Variants in ANKRD30B observed in about 807,000 individuals in gnomAD.
ANKRD30B encodes the protein ankyrin repeat domain-containing protein 30B.
Under a neutral mutation model 202.2 loss-of-function variants are expected in ANKRD30B, and 144 were observed. The observed-to-expected ratio is 0.71, with a 90% CI of 0.62 to 0.82. The LOEUF is 0.82. Ranked by LOEUF, ANKRD30B falls within the 40% of genes least tolerant of loss-of-function variation. The pLI is 0.00. For missense variants in ANKRD30B, 1,487 were observed against 1,669.1 expected, an observed-to-expected ratio of 0.89 and a Z score of 1.90; for synonymous variants, 508 against 561.3, an observed-to-expected ratio of 0.91 and a Z score of 1.34.
the ANKRD30B span, among the ~76,000 whole-genome samples, chr18:14,860,349 G>A: frequency 1.9e-5 from 2 of 103,894 alleles, no homozygotes; most frequent in South Asian, 3.6e-4. Flanking sequence ...TCCCAGACAG[G>A]GCTGCCGGGC....
intron 39 of ANKRD30B, 86 bp from the exon 40 acceptor site, chr18:14,848,630 G>C (rs918031381): frequency 8.0e-5 from 88 of 1,093,548 alleles, no homozygotes; most frequent in Non-Finnish European, 9.9e-5. Context: ...TTTGTTGAGT[G>C]TATGAGTTAG....
chr18:14,858,799 A>C (rs1972139440), downstream of ANKRD30B, among the ~76,000 whole-genome samples: 2 of 92,980 alleles, frequency 2.2e-5, no homozygotes, highest in South Asian at 4.0e-4. Context: ...CTCCCAGACA[A>C]TGGGCAGCCA....
intron 9 of ANKRD30B, among the ~76,000 whole-genome samples, chr18:14,772,846 G>A (rs924437204): frequency 6.6e-6 from 1 of 151,872 alleles, no homozygotes; most frequent in Non-Finnish European, 1.5e-5. Flanking sequence ...TTTGGGCATG[G>A]TGGTGCATGC....
At chr18:14,922,039 T>A in the ANKRD30B span, among the ~76,000 whole-genome samples, 15 of 152,176 alleles carry the variant, frequency 9.9e-5, no homozygotes, top group African/African-American at 3.6e-4. Flanking sequence ...CCTTTTAACT[T>A]CATATGACTG....
intron 39 of ANKRD30B, among the ~76,000 whole-genome samples, chr18:14,846,004 C>G (rs1468619082): frequency 6.6e-6 from 1 of 151,982 alleles, no homozygotes; most frequent in Non-Finnish European, 1.5e-5. Flanking sequence ...ATTGCAAGGA[C>G]AAAGACATTC....
the ANKRD30B span, among the ~76,000 whole-genome samples, chr18:14,879,271 C>T: frequency 1.3e-5 from 2 of 152,068 alleles, no homozygotes; most frequent in African/African-American, 4.8e-5. Flanking sequence ...GAATCCTGCC[C>T]ACCGAGGTTC....
At chr18:14,860,397 A>G in the ANKRD30B span, among the ~76,000 whole-genome samples, 1 of 125,202 alleles carries the variant, frequency 8.0e-6, no homozygotes, top group Non-Finnish European at 1.7e-5. Flanking sequence ...GTGGCCGGGC[A>G]GAGGCGCTCC....
chr18:14,851,998 C>T lies in ANKRD30B; in HGVS notation c.4054C>T (p.Leu1352Phe), dbSNP rs1971903751. The change falls in exon 42 of 44, where the codon CTT becomes TTT. Residue 1352 changes from leucine to phenylalanine, a missense_variant. By Grantham distance (22) the Leu-to-Phe change is conservative (BLOSUM62 0). Coordinates refer to ENST00000690538, the MANE Select transcript of ANKRD30B (RefSeq NM_001367607.2). ...TAACAATGAGGTGCTCCATCAACCACTTTATGAAGCTCAAAGGAAATCCAA... is the reference window on the plus strand; with the variant it reads ...TAACAATGAGGTGCTCCATCAACCATTTTATGAAGCTCAAAGGAAATCCAA... ...IYNNEVLHQP[L>F]YEAQRKSKSP... 6.3e-7 allele frequency: 1 copy of T among 1,596,096 alleles called. No homozygotes were observed. Among genetic ancestry groups the T allele is most frequent in the Admixed American group, 1.7e-5 (1 of 57,722 alleles).
At chr18:14,794,453 T>G (rs1050172139) in intron 16 of ANKRD30B, among the ~76,000 whole-genome samples, 1 of 151,842 alleles carries the variant, frequency 6.6e-6, no homozygotes, top group Non-Finnish European at 1.5e-5. Flanking sequence ...CATACTCATT[T>G]CCTATCTCAT....
intron 33 of ANKRD30B, 133 bp from the exon 34 acceptor site, chr18:14,831,250 T>C (rs1970925215): frequency 3.9e-6 from 2 of 506,540 alleles, no homozygotes; most frequent in Admixed American, 4.1e-5. Context: ...TGATTTAATA[T>C]ATTGAGGACT....
At chr18:14,922,127 G>T in the ANKRD30B span, among the ~76,000 whole-genome samples, 3 of 152,164 alleles carry the variant, frequency 2.0e-5, 1 homozygote, top group Admixed American at 2.0e-4. Flanking sequence ...GGCAGGAGGA[G>T]AATTTGTTTG....
chr18:14,797,559 A>G (rs1387538199), intron 18 of ANKRD30B, 102 bp from the exon 19 acceptor site: 1 of 1,337,426 alleles, frequency 7.5e-7, no homozygotes, highest in Non-Finnish European at 1.1e-6. Flanking sequence ...TCCCTTTCCA[A>G]TCCAAGCATG....
intron 3 of ANKRD30B, among the ~76,000 whole-genome samples, chr18:14,754,689 A>C (rs1463305323): frequency 2.0e-5 from 3 of 152,198 alleles, no homozygotes; most frequent in Admixed American, 2.0e-4. Flanking sequence ...GATAACCAGA[A>C]TTAATGTGGT....
chr18:14,934,990 C>T, the ANKRD30B span, among the ~76,000 whole-genome samples: 8 of 152,030 alleles, frequency 5.3e-5, no homozygotes, highest in South Asian at 8.3e-4. Flanking sequence ...CTGCACCCTC[C>T]CAGGCCCCCT....
At chr18:14,854,832 A>AACACACACACACAC (rs56259305), downstream of ANKRD30B, among the ~76,000 whole-genome samples, 1 of 134,104 alleles carries the variant, frequency 7.5e-6, no homozygotes, top group Admixed American at 7.5e-5. Context: ...ACTATCCACG[A>AACACACACACACAC]ACACACACAC....
the ANKRD30B span, among the ~76,000 whole-genome samples, chr18:14,874,816 A>G: frequency 2.0e-5 from 3 of 152,206 alleles, no homozygotes; most frequent in Admixed American, 6.5e-5. Context: ...AGAAGATAGT[A>G]TAGTTTGATT....
At chr18:14,766,523 T>G (rs1441856767) in intron 7 of ANKRD30B, among the ~76,000 whole-genome samples, 1 of 80,212 alleles carries the variant, frequency 1.2e-5, no homozygotes, top group Non-Finnish European at 3.0e-5. Flanking sequence ...GAAAAGAAAA[T>G]TGTCAGGTCA....
chr18:14,870,128 G>T, the ANKRD30B span, among the ~76,000 whole-genome samples: 1 of 152,176 alleles, frequency 6.6e-6, no homozygotes, highest in African/African-American at 2.4e-5. Flanking sequence ...GAGCCACCAC[G>T]CGAAGCCTAT....
At chr18:14,878,603 A>G in the ANKRD30B span, among the ~76,000 whole-genome samples, 4 of 152,044 alleles carry the variant, frequency 2.6e-5, no homozygotes, top group Non-Finnish European at 5.9e-5. Flanking sequence ...TGGTGTGCAT[A>G]TTTAAATTAT....
Sources: allele counts gnomAD v4.1 joint callset (sites outside exome capture counted in the v4.1 genomes callset), GRCh38; gene constraint gnomAD v4.1.1; transcripts MANE v1.5; gene names NCBI Gene and HGNC (gene_info 2026-07-23, HGNC 2026-07-21).